PACRG: variants seen among roughly 807,000 people sequenced by gnomAD.
PACRG encodes the protein parkin coregulated, also known as parkin coregulated gene protein.
PACRG carries 29 observed loss-of-function variants against 29.7 expected under a neutral mutation model. The observed-to-expected ratio is 0.98, with a 90% CI of 0.73 to 1.33. The LOEUF is 1.33. PACRG is among the 40% of genes most tolerant of loss of function. The pLI is 0.00. For synonymous variants in PACRG, 116 were observed against 118.7 expected (o/e 0.98, Z 0.15); for missense variants, 279 against 316.2 (o/e 0.88, Z 0.89).
chr6:163,290,278 G>GCGCGCGCA (rs1554242204), intron 4 of PACRG, among the ~76,000 whole-genome samples: 2 of 114,496 alleles, frequency 1.7e-5, no homozygotes, highest in Admixed American at 1.7e-4. Flanking sequence ...GCGCGCGCGC[G>GCGCGCGCA]CACACACACA....
At chr6:162,802,914 T>C (rs1584404441) in intron 1 of PACRG, among the ~76,000 whole-genome samples, 1 of 152,296 alleles carries the variant, frequency 6.6e-6, no homozygotes, top group African/African-American at 2.4e-5. Flanking sequence ...AATATTCAGG[T>C]ACTGTCTTGG....
At chr6:162,941,089 C>A (rs1196109566) in intron 2 of PACRG, among the ~76,000 whole-genome samples, 2 of 151,628 alleles carry the variant, frequency 1.3e-5, no homozygotes, top group African/African-American at 4.9e-5. Flanking sequence ...ATCATGCATA[C>A]ACACAATCCA....
intron 4 of PACRG, among the ~76,000 whole-genome samples, chr6:163,273,124 A>G (rs929852330): frequency 5.5e-5 from 8 of 145,678 alleles, no homozygotes; most frequent in Admixed American, 5.3e-4. Context: ...CGATCTCCTG[A>G]CCTCGTGATC....
At chr6:163,081,975 T>A (rs1813128420) in intron 3 of PACRG, among the ~76,000 whole-genome samples, 1 of 152,212 alleles carries the variant, frequency 6.6e-6, no homozygotes, top group African/African-American at 2.4e-5. Flanking sequence ...TTAACAATAT[T>A]TTTGGTAATA....
chr6:162,776,376 A>G (rs2128308323), intron 1 of PACRG, among the ~76,000 whole-genome samples: 1 of 152,274 alleles, frequency 6.6e-6, no homozygotes, highest in East Asian at 1.9e-4. Flanking sequence ...CCCTGGAGCA[A>G]CCTGCTCCCT....
chr6:162,939,217 C>G (rs934368446), intron 2 of PACRG, among the ~76,000 whole-genome samples: 1 of 152,124 alleles, frequency 6.6e-6, no homozygotes, highest in Non-Finnish European at 1.5e-5. Context: ...TAGAATGAAA[C>G]TGGATTCTTA....
chr6:162,752,091 CT>C (rs1241948842), intron 1 of PACRG, among the ~76,000 whole-genome samples: 8 of 152,176 alleles, frequency 5.3e-5, no homozygotes, highest in African/African-American at 1.9e-4. Context: ...AACATTTCAA[CT>C]TCTGACCAAG....
chr6:162,774,244 A>G (rs1783468106), intron 1 of PACRG, among the ~76,000 whole-genome samples: 1 of 152,222 alleles, frequency 6.6e-6, no homozygotes, highest in African/African-American at 2.4e-5. Context: ...GTATGCAGGA[A>G]GCTGTACAGC....
intron 3 of PACRG, among the ~76,000 whole-genome samples, chr6:163,080,460 A>G (rs547056180): frequency 6.6e-6 from 1 of 152,008 alleles, no homozygotes; most frequent in Non-Finnish European, 1.5e-5. Context: ...GTGCAGGCCC[A>G]ACCTGGGCAA....
chr6:162,947,625 T>TATATATATATATATATATATAATC (rs1562767566), intron 2 of PACRG, among the ~76,000 whole-genome samples: 16 of 53,386 alleles, frequency 3.0e-4, no homozygotes, highest in Non-Finnish European at 5.0e-4. Context: ...TATATATATA[T>TATATATATATATATATATATAATC]ATATATATAT....
chr6:163,149,541 A>G (rs62427621), intron 4 of PACRG, among the ~76,000 whole-genome samples: 1 of 151,750 alleles, frequency 6.6e-6, no homozygotes, highest in Non-Finnish European at 1.5e-5. Context: ...TCCCTAAAGC[A>G]ACCGCGTCTC....
chr6:163,210,540 C>G (rs1294874334), intron 4 of PACRG, among the ~76,000 whole-genome samples: 1 of 152,170 alleles, frequency 6.6e-6, no homozygotes, highest in Admixed American at 6.5e-5. Context: ...GGCTGAGGAC[C>G]ATAACCTCTG....
intron 1 of PACRG, among the ~76,000 whole-genome samples, chr6:162,733,803 G>T (rs1232216977): frequency 6.6e-6 from 1 of 152,070 alleles, no homozygotes; most frequent in Non-Finnish European, 1.5e-5. Context: ...TTAAAAATTA[G>T]CTATTTAGTG....
intron 4 of PACRG, among the ~76,000 whole-genome samples, chr6:163,172,850 A>G (rs1779152590): frequency 6.6e-6 from 1 of 152,272 alleles, no homozygotes; most frequent in Non-Finnish European, 1.5e-5. Flanking sequence ...TATCAAAGAT[A>G]GAAAGAGGCT....
intron 4 of PACRG, among the ~76,000 whole-genome samples, chr6:163,122,585 T>C (rs1816336253): frequency 6.6e-6 from 1 of 152,212 alleles, no homozygotes; most frequent in Admixed American, 6.5e-5. Context: ...CATGATCCCT[T>C]CGCAACAGCT....
chr6:162,800,725 C>T (rs975462397), intron 1 of PACRG, among the ~76,000 whole-genome samples: 1 of 152,184 alleles, frequency 6.6e-6, no homozygotes, highest in African/African-American at 2.4e-5. Context: ...TGCAGTTCCT[C>T]TTAGCTCCAA....
At chr6:163,035,824 A>AC (rs908745153) in intron 2 of PACRG, among the ~76,000 whole-genome samples, 15 of 151,130 alleles carry the variant, frequency 9.9e-5, no homozygotes, top group Admixed American at 1.3e-4. Flanking sequence ...AAAAAAAAAA[A>AC]AAAAAAAAAA....
At chr6:162,769,765 C>CAAA (rs201767213) in intron 1 of PACRG, among the ~76,000 whole-genome samples, 70 of 126,360 alleles carry the variant, frequency 5.5e-4, no homozygotes, top group African/African-American at 1.7e-3. Context: ...AGAAGGTTAG[C>CAAA]AAAAAAAAAA....
At chr6:162,769,739 C>T (rs1171805261) in intron 1 of PACRG, among the ~76,000 whole-genome samples, 1 of 147,500 alleles carries the variant, frequency 6.8e-6, no homozygotes, top group Non-Finnish European at 1.5e-5. Context: ...TGAACTCAAG[C>T]ATTATCCTAC....
Sources: allele counts gnomAD v4.1 joint callset (sites outside exome capture counted in the v4.1 genomes callset), GRCh38; gene constraint gnomAD v4.1.1; transcripts MANE v1.5; gene names NCBI Gene and HGNC (gene_info 2026-07-23, HGNC 2026-07-21).